The following ADGRE2 variants were observed in gnomAD, a reference collection of about 807,000 sequenced individuals.
The protein encoded by ADGRE2 is adhesion G protein-coupled receptor E2.
Under a neutral mutation model 100.8 loss-of-function variants are expected in ADGRE2, and 83 were observed. The observed-to-expected ratio is 0.82, with a 90% CI of 0.69 to 0.99. The LOEUF is 0.99. ADGRE2 is among the 50% of genes least tolerant of loss of function. The pLI is 0.00. For synonymous variants in ADGRE2, 355 were observed against 413.0 expected (o/e 0.86, Z 1.70); for missense variants, 814 against 1,035.7 (o/e 0.79, Z 2.94).
At chr19:14,740,547 G>A (rs964168768) in intron 20 of ADGRE2, among the ~76,000 whole-genome samples, 12 of 150,530 alleles carry the variant, frequency 8.0e-5, no homozygotes, top group Non-Finnish European at 1.6e-4. Context: ...CTTTAACCCA[G>A]GAGGCGGAGG....
chr19:14,765,681 T>C lies in ADGRE2; in HGVS notation c.758A>G (p.Asn253Ser). Residue 253 changes from asparagine to serine, a missense_variant, in exon 8 of 21, where the codon AAC (asparagine) becomes AGC (serine). Around this residue, in one of 5 missense-constraint regions of ADGRE2, gnomAD observed 19 missense variants for 64.7 expected, o/e 0.29. Coordinates refer to ENST00000315576, the MANE Select transcript of ADGRE2 (RefSeq NM_013447.4). Reference protein sequence around the residue: ...GWKPRHGIPNNQKDTVCEDMT... With the variant: ...GWKPRHGIPNSQKDTVCEDMT... ...ACCTTCACAGACAGTGTCCTTTTGG[T>C]TATTCGGGATTCCGTGTCTGGGCTT... is the stretch of plus-strand genomic sequence containing the variant. The C allele has an allele frequency of 6.2e-7, 1 of 1,611,220 alleles. No individual in the cohort carries two copies. Among genetic ancestry groups the C allele is most frequent in the Non-Finnish European group, 8.5e-7 (1 of 1,178,368 alleles).
chr19:14,762,746 T>G (rs2043774737), intron 11 of ADGRE2, among the ~76,000 whole-genome samples: 1 of 152,064 alleles, frequency 6.6e-6, no homozygotes, highest in Non-Finnish European at 1.5e-5. Flanking sequence ...CAAGCTCAAG[T>G]GATTCTCCTG....
At chr19:14,751,931 ATTTTT>A (rs199828270) in intron 15 of ADGRE2, among the ~76,000 whole-genome samples, 2,637 of 132,924 alleles carry the variant, frequency 0.02, 24 homozygotes, top group East Asian at 0.063. Context: ...ATATATATAT[ATTTTT>A]TTTTTTTTTT....
chr19:14,737,449 C>T (rs879694859), intron 20 of ADGRE2, among the ~76,000 whole-genome samples: 31 of 152,098 alleles, frequency 2.0e-4, no homozygotes, highest in Non-Finnish European at 4.3e-4. Context: ...CCATCTCAAC[C>T]TCCCAAAAAT....
chr19:14,741,795 A>C, intron 20 of ADGRE2: 1 of 364,180 alleles, frequency 2.7e-6, no homozygotes, highest in East Asian at 4.0e-5. Flanking sequence ...GAGACTCTGT[A>C]CATTTGACAC....
In ADGRE2 at chr19:14,774,461, G is replaced by A. The variant is rs139753773; in HGVS notation, c.32-155C>T. Among the ~76,000 whole-genome samples, 1,053 of 151,760 alleles carry A rather than the reference G, an allele frequency of 6.9e-3. 5 individuals carry two copies. The highest frequency in any genetic ancestry group is 0.014 in the Middle Eastern group (4 of 292). Reference sequence around the variant, plus strand: ...AGTGAGCAGATGTCACGTCCCACTCGGATGCTCAAAGCCAGAGAGTCTGTC... The same window carrying A: ...AGTGAGCAGATGTCACGTCCCACTCAGATGCTCAAAGCCAGAGAGTCTGTC... On this transcript the variant is annotated intron_variant, in intron 2 of 20. Coordinates refer to ENST00000315576, the MANE Select transcript of ADGRE2 (RefSeq NM_013447.4).
intron 1 of ADGRE2, among the ~76,000 whole-genome samples, chr19:14,777,635 C>A (rs1348247855): frequency 6.6e-6 from 1 of 151,786 alleles, no homozygotes; most frequent in Admixed American, 6.6e-5. Context: ...CTAATGCAAT[C>A]CCTCCCCCAG....
chr19:14,736,850 G>T (rs186644570), intron 20 of ADGRE2, among the ~76,000 whole-genome samples: 21,332 of 141,086 alleles, frequency 0.15, 1,734 homozygotes, highest in Middle Eastern at 0.21. Flanking sequence ...TATATATTTA[G>T]AAATATATAG....
intron 1 of ADGRE2, among the ~76,000 whole-genome samples, chr19:14,777,883 C>T (rs964285066): frequency 6.6e-5 from 10 of 152,174 alleles, no homozygotes; most frequent in Admixed American, 5.9e-4. Flanking sequence ...CTTTCTTAAT[C>T]CAGTCTATCA....
At chr19:14,769,450 C>A (rs956795201) in intron 5 of ADGRE2, among the ~76,000 whole-genome samples, 1 of 152,068 alleles carries the variant, frequency 6.6e-6, no homozygotes, top group East Asian at 1.9e-4. Flanking sequence ...CCTGTGACAC[C>A]AGGTAGACAA....
chr19:14,759,503 A>ATATATATATATATATATATATATATTTT (rs60789454), intron 11 of ADGRE2, among the ~76,000 whole-genome samples: 1 of 133,380 alleles, frequency 7.5e-6, no homozygotes, highest in African/African-American at 3.0e-5. Flanking sequence ...ATATATATAT[A>ATATATATATATATATATATATATATTTT]TTTTTTTTTT....
At chr19:14,747,066 C>G (rs1323650570) in intron 16 of ADGRE2, 104 bp from the exon 17 acceptor site, 11 of 957,802 alleles carry the variant, frequency 1.1e-5, no homozygotes, top group Non-Finnish European at 1.6e-5. Context: ...TTCCTTCCTA[C>G]GTCAACAATA....
At chr19:14,736,531 G>T (rs2042749031) in intron 20 of ADGRE2, among the ~76,000 whole-genome samples, 3 of 151,328 alleles carry the variant, frequency 2.0e-5, no homozygotes, top group South Asian at 4.2e-4. Context: ...AAAGTGCTGG[G>T]ATTACAGGTG....
intron 11 of ADGRE2, among the ~76,000 whole-genome samples, chr19:14,759,801 CGCTTATTAA>C (rs2043647470): frequency 6.8e-6 from 1 of 146,216 alleles, no homozygotes; most frequent in Non-Finnish European, 1.5e-5. Flanking sequence ...GCCACCTCTC[CGCTTATTAA>C]GCAGATTTTT....
chr19:14,759,311 G>A (rs2043616865), intron 11 of ADGRE2, among the ~76,000 whole-genome samples: 1 of 151,876 alleles, frequency 6.6e-6, no homozygotes, highest in African/African-American at 2.4e-5. Context: ...CAGGCTGCTC[G>A]TTATTAGAAA....
rs560288682 is a variant in ADGRE2, at chr19:14,763,103, C to T, written c.1084+1330G>A. Among the ~76,000 whole-genome samples, 13 of 152,080 alleles carry T rather than the reference C, an allele frequency of 8.5e-5. No individual in the cohort carries two copies. In the East Asian group the frequency reaches 2.3e-3, roughly 27 times the overall value. On this transcript the variant is annotated intron_variant, in intron 11 of 20. Transcript: ENST00000315576. ...CTGTAATCCCAGCACTTTGGGAAGC[C>T]GAGGCAAGTGGATTATGCACAAGGT...
At chr19:14,727,932 A>C (rs1207956603), downstream of ADGRE2, among the ~76,000 whole-genome samples, 2 of 152,174 alleles carry the variant, frequency 1.3e-5, no homozygotes, top group Admixed American at 6.5e-5. Flanking sequence ...AGTACTTAAA[A>C]ATATATTTGG....
rs150401006 is a variant in ADGRE2 at position 14,763,002 on chromosome 19, A to G, written c.1084+1431T>C. ...GTGAACTTGATGTTATGTGAATTTTATCTTAATAAAATTAATGCTATATGC... is the reference window on the plus strand; with the variant it reads ...GTGAACTTGATGTTATGTGAATTTTGTCTTAATAAAATTAATGCTATATGC... On this transcript the variant is annotated intron_variant, in intron 11 of 20. Transcript: ENST00000315576. Among the ~76,000 whole-genome samples the G allele has an allele frequency of 6.2e-3, 939 of 152,304 alleles. 8 individuals are homozygous for G. Among genetic ancestry groups the G allele is most frequent in the African/African-American group, 0.021 (867 of 41,574 alleles).
chr19:14,742,029 T>A (rs2042948073), intron 20 of ADGRE2: 1 of 398,628 alleles, frequency 2.5e-6, no homozygotes, highest in Non-Finnish European at 4.4e-6. Context: ...GCTCAAGTGA[T>A]CTTCCTGCTT....
Sources: allele counts gnomAD v4.1 joint callset (sites outside exome capture counted in the v4.1 genomes callset), GRCh38; gene constraint gnomAD v4.1.1; regional missense constraint gnomAD v4.1.1; transcripts MANE v1.5; gene names NCBI Gene and HGNC (gene_info 2026-07-23, HGNC 2026-07-21).